Variants in NUDT3 observed in about 807,000 individuals in gnomAD.
NUDT3 encodes nudix hydrolase 3.
Under a neutral mutation model 23.6 loss-of-function variants are expected in NUDT3, and 9 were observed. The observed-to-expected ratio is 0.38, with a 90% CI of 0.23 to 0.66. The LOEUF (loss-of-function observed/expected upper bound fraction) is 0.66, where lower values mean the gene tolerates loss of function less well. Ranked by LOEUF, NUDT3 falls within the 30% of genes least tolerant of loss-of-function variation. The pLI, the probability that NUDT3 is intolerant of heterozygous loss-of-function variation, is 0.52. For missense variants in NUDT3, 172 were observed against 218.5 expected, an observed-to-expected ratio of 0.79 and a Z score of 1.34; for synonymous variants, 86 against 82.6, an observed-to-expected ratio of 1.04 and a Z score of -0.22.
At chr6:34,375,452 A>G (rs1764906615) in intron 1 of NUDT3, among the ~76,000 whole-genome samples, 1 of 152,216 alleles carries the variant, frequency 6.6e-6, no homozygotes, top group African/African-American at 2.4e-5. Context: ...TATACACAGA[A>G]GGCCCACAAT....
At chr6:34,366,942 G>A (rs758950512) in intron 1 of NUDT3, among the ~76,000 whole-genome samples, 29 of 152,124 alleles carry the variant, frequency 1.9e-4, no homozygotes, top group Non-Finnish European at 3.7e-4. Context: ...GCCTAGGCTG[G>A]AGTCCAGTGG....
Position 34,286,416 on chromosome 6 carries a change from C to T in NUDT3, c.*2337G>A, listed in dbSNP as rs1361788440. 6.6e-6 allele frequency: 1 copy of T among 152,172 alleles called. No homozygotes were observed. The highest frequency in any genetic ancestry group is 6.5e-5 in the Admixed American group (1 of 15,278). The allele number at this position is 152,172 out of a possible 1,614,324, so 9.4% of individuals were successfully genotyped here. On this transcript the variant is annotated 3_prime_UTR_variant, in exon 5 of 5. Coordinates refer to ENST00000607016, the MANE Select transcript of NUDT3 (RefSeq NM_006703.4). ...TTTTTAAAGAGTACTGACTGTTTTC[C>T]TGCAAAGTACTTTCAAATCCATACC...
At chr6:34,322,383 C>A (rs2113718518) in intron 2 of NUDT3, among the ~76,000 whole-genome samples, 1 of 152,270 alleles carries the variant, frequency 6.6e-6, no homozygotes, top group Middle Eastern at 3.4e-3. Flanking sequence ...GCACCCGCCA[C>A]CACGCACAGC....
At position 34,365,008 on chromosome 6, in the gene NUDT3, G is replaced by A. The variant is rs138988383; in HGVS notation, c.100-23036C>T. Reference sequence around the variant, plus strand: ...TGCACTTCAGCCTGGGTGACAGAGCGAGACTTCGTCTCAAAAATAAATAAA... The same window carrying A: ...TGCACTTCAGCCTGGGTGACAGAGCAAGACTTCGTCTCAAAAATAAATAAA... On this transcript the variant is annotated intron_variant, in intron 1 of 4. Transcript: ENST00000607016. Among the ~76,000 whole-genome samples the A allele has an allele frequency of 3.5e-3, 531 of 151,970 alleles. 2 individuals carry two copies. Among genetic ancestry groups the A allele is most frequent in the African/African-American group, 0.012 (508 of 41,436 alleles).
chr6:34,389,032 C>G (rs985243076), intron 1 of NUDT3, among the ~76,000 whole-genome samples: 1 of 152,186 alleles, frequency 6.6e-6, no homozygotes, highest in African/African-American at 2.4e-5. Flanking sequence ...TTTTGGGAGG[C>G]TGAGATGGGA....
intron 1 of NUDT3, among the ~76,000 whole-genome samples, chr6:34,343,003 C>T (rs1764310458): frequency 6.6e-6 from 1 of 152,124 alleles, no homozygotes; most frequent in African/African-American, 2.4e-5. Flanking sequence ...ATAAGAGATT[C>T]TTCTGATGCT....
intron 1 of NUDT3, among the ~76,000 whole-genome samples, chr6:34,367,869 T>C (rs1405161830): frequency 1.3e-5 from 2 of 151,492 alleles, no homozygotes; most frequent in Non-Finnish European, 2.9e-5. Context: ...TTTTGGGGAG[T>C]GGGGAAAGCT....
At chr6:34,329,571 G>A (rs1204103287) in intron 2 of NUDT3, among the ~76,000 whole-genome samples, 1 of 152,072 alleles carries the variant, frequency 6.6e-6, no homozygotes, top group African/African-American at 2.4e-5. Flanking sequence ...GTGAACCACC[G>A]TGCCCAGTCA....
At chr6:34,351,758 A>G (rs980831546) in intron 1 of NUDT3, among the ~76,000 whole-genome samples, 2 of 139,350 alleles carry the variant, frequency 1.4e-5, no homozygotes, top group African/African-American at 5.8e-5. Context: ...AAAAAAAAAA[A>G]AAAAGAAATA....
chr6:34,387,460 G>A (rs187729487), intron 1 of NUDT3, among the ~76,000 whole-genome samples: 60 of 151,932 alleles, frequency 3.9e-4, no homozygotes, highest in African/African-American at 1.4e-3. Context: ...AGTAAAATAT[G>A]GGTAGCCAGA....
At chr6:34,331,986 C>T (rs569715085) in intron 2 of NUDT3, among the ~76,000 whole-genome samples, 1 of 152,220 alleles carries the variant, frequency 6.6e-6, no homozygotes, top group South Asian at 2.1e-4. Flanking sequence ...GCAATCCTCC[C>T]TCCTCAGCCT....
At chr6:34,334,870 T>A (rs1428199175) in intron 2 of NUDT3, among the ~76,000 whole-genome samples, 1 of 149,706 alleles carries the variant, frequency 6.7e-6, no homozygotes, top group East Asian at 2.0e-4. Flanking sequence ...GAGTTTGAGG[T>A]TACAGTGAAC....
At chr6:34,386,076 C>T (rs1025002239) in intron 1 of NUDT3, among the ~76,000 whole-genome samples, 1 of 152,222 alleles carries the variant, frequency 6.6e-6, no homozygotes, top group African/African-American at 2.4e-5. Context: ...ATAGAGGTAA[C>T]TAATTGTAAT....
intron 2 of NUDT3, among the ~76,000 whole-genome samples, chr6:34,304,251 C>CAA (rs60576919): frequency 8.5e-4 from 69 of 81,160 alleles, no homozygotes; most frequent in Admixed American, 4.5e-3. Flanking sequence ...AACTCTGTCT[C>CAA]AAAAAAAAAA....
chr6:34,387,370 T>C (rs1765123264), intron 1 of NUDT3, among the ~76,000 whole-genome samples: 1 of 152,148 alleles, frequency 6.6e-6, no homozygotes, highest in African/African-American at 2.4e-5. Context: ...AAGACAGTGA[T>C]ACTGATGATC....
chr6:34,359,761 T>C (rs1051239997), intron 1 of NUDT3, among the ~76,000 whole-genome samples: 2 of 152,222 alleles, frequency 1.3e-5, no homozygotes, highest in Non-Finnish European at 2.9e-5. Context: ...GTACAAGCTT[T>C]TCAATCCCTT....
In NUDT3 at chr6:34,392,400, G is replaced by C; in HGVS notation, c.-38C>G. The C allele has an allele frequency of 6.5e-7, 1 of 1,532,718 alleles. No homozygotes were observed. The highest frequency in any genetic ancestry group is 1.2e-5 in the South Asian group (1 of 86,666). The allele number at this position is 1,532,718 out of a possible 1,614,324, so 94.9% of individuals were successfully genotyped here. On this transcript the variant is annotated 5_prime_UTR_variant, in exon 1 of 5. Coordinates refer to ENST00000607016, the MANE Select transcript of NUDT3 (RefSeq NM_006703.4). ...GGTGGGGGTGCGGTGCGGGTCGCAG[G>C]AGTCGAGGGGTGGGGAGCCCGCTCT...
chr6:34,384,942 T>C (rs1262605623), intron 1 of NUDT3, among the ~76,000 whole-genome samples: 1 of 150,622 alleles, frequency 6.6e-6, no homozygotes, highest in Non-Finnish European at 1.5e-5. Flanking sequence ...GGTGGGAGGA[T>C]CACTTGAGCC....
chr6:34,323,422 C>T (rs942468153), intron 2 of NUDT3, among the ~76,000 whole-genome samples: 4 of 152,012 alleles, frequency 2.6e-5, no homozygotes, highest in Non-Finnish European at 4.4e-5. Context: ...CAAAAATTAG[C>T]TGGGTGTGGT....
Sources: allele counts gnomAD v4.1 joint callset (sites outside exome capture counted in the v4.1 genomes callset), GRCh38; gene constraint gnomAD v4.1.1; transcripts MANE v1.5; gene names NCBI Gene and HGNC (gene_info 2026-07-23, HGNC 2026-07-21).